Variants in MAP7D2 observed in about 807,000 individuals in gnomAD.
MAP7D2 encodes the protein MAP7 domain-containing protein 2.
MAP7D2 carries 33 observed loss-of-function variants against 63.5 expected under a neutral mutation model. The observed-to-expected ratio is 0.52, with a 90% CI of 0.39 to 0.70. The LOEUF is 0.70. Ranked by LOEUF, MAP7D2 falls within the 30% of genes least tolerant of loss-of-function variation. The probability of loss-of-function intolerance (pLI) is 0.00; values close to 1 mark genes in which losing one functional copy is unlikely to be tolerated. For missense variants in MAP7D2, 626 were observed against 604.0 expected (o/e 1.04, Z -0.38); for synonymous variants, 224 against 223.7 (o/e 1.00, Z -0.01).
rs1430991883 is a variant in MAP7D2 at position 20,076,868 on chromosome X, A to G, written c.131-12063T>C. On this transcript the variant is annotated intron_variant, in intron 1 of 16. Coordinates refer to ENST00000379643, the MANE Select transcript of MAP7D2 (RefSeq NM_001168465.2). ...GTTTCCTTTTAAAACAGCTAACTGA[A>G]TTACATTTTCCAGAAAAATGCAGAC... Among the ~76,000 whole-genome samples the G allele has an allele frequency of 5.3e-5, 6 of 112,682 alleles. No individual in the cohort carries two copies. The Admixed American group carries it at 5.7e-4, about 11-fold the overall frequency.
intron 1 of MAP7D2, among the ~76,000 whole-genome samples, chrX:20,101,095 C>T (rs1053179131): frequency 9.0e-6 from 1 of 111,295 alleles, no homozygotes; most frequent in African/African-American, 3.3e-5. Flanking sequence ...CTTAGCACAT[C>T]CTGAAAGGCT....
chrX:20,085,770 G>A (rs957079793), intron 1 of MAP7D2, among the ~76,000 whole-genome samples: 4 of 112,131 alleles, frequency 3.6e-5, no homozygotes, highest in Non-Finnish European at 7.5e-5. Flanking sequence ...GGAGTGCAGT[G>A]GTGCAATCTT....
At chrX:20,061,535 GCT>G in intron 3 of MAP7D2, among the ~76,000 whole-genome samples, 1 of 112,424 alleles carries the variant, frequency 8.9e-6, no homozygotes, top group Non-Finnish European at 1.9e-5. Flanking sequence ...AGGGAACCAA[GCT>G]CAGCTTGGGC....
chrX:20,025,651 G>C (rs778462796), intron 9 of MAP7D2, 30 bp downstream of exon 9: 7 of 1,206,458 alleles, frequency 5.8e-6, no homozygotes, highest in Non-Finnish European at 6.7e-6. Context: ...AACCGTCTTG[G>C]GAAAGCCAAG....
chrX:20,016,312 C>T lies in MAP7D2; in HGVS notation c.1426G>A (p.Glu476Lys). ...TCCTCCTCTGCCTTTCTTTTCAATT[C>T]CTCTCTCTCCAGCCTTTTGAGAATA... ...KEEQDRLERE[E>K]LKRKAEEERL... is the part of the protein sequence containing the mutation. Residue 476 changes from glutamate to lysine, a missense_variant, in exon 11 of 17, where the codon GAA becomes AAA. By Grantham distance (56) the Glu-to-Lys change is moderately conservative. Transcript: ENST00000379643. The T allele has an allele frequency of 8.3e-7, 1 of 1,209,246 alleles. No homozygotes were observed. The highest frequency in any genetic ancestry group is 1.1e-6 in the Non-Finnish European group (1 of 894,345).
intron 1 of MAP7D2, among the ~76,000 whole-genome samples, chrX:20,087,879 C>CTTTTTTTTTTTTT (rs539620594): frequency 5.7e-5 from 3 of 52,854 alleles, no homozygotes; most frequent in Non-Finnish European, 6.4e-5. Context: ...AATTTCTTTT[C>CTTTTTTTTTTTTT]TTTTTTTTTT....
At position 20,063,493 on chromosome X, in the gene MAP7D2, A is replaced by G; in HGVS notation, c.293T>C (p.Leu98Pro). 8.3e-7 allele frequency: 1 copy of G among 1,211,759 alleles called. No homozygotes were observed. Residue 98 changes from leucine to proline, a missense_variant, in exon 3 of 17, where the codon CTG (leucine) becomes CCG (proline). By Grantham distance (98) the Leu-to-Pro change is moderately conservative. Coordinates refer to ENST00000379643, the MANE Select transcript of MAP7D2 (RefSeq NM_001168465.2). ...GTCCTCCCGCTGCCGCTGCTCTTCC[A>G]GTTTTCGCCATCGCTCCTCCATTTG... ...EKQMEERWRK[L>P]EEQRQREDQK...
intron 1 of MAP7D2, among the ~76,000 whole-genome samples, chrX:20,113,762 A>G (rs1248053488): frequency 2.7e-5 from 3 of 111,233 alleles, no homozygotes; most frequent in Non-Finnish European, 5.7e-5. Context: ...CAGGCATGCA[A>G]TATGAAATAA....
At chrX:20,087,578 A>G (rs2065941342) in intron 1 of MAP7D2, among the ~76,000 whole-genome samples, 1 of 111,861 alleles carries the variant, frequency 8.9e-6, no homozygotes, top group Non-Finnish European at 1.9e-5. Flanking sequence ...AGCAACACAA[A>G]CAGACTAAAA....
intron 10 of MAP7D2, among the ~76,000 whole-genome samples, chrX:20,024,260 T>C (rs2073762293): frequency 1.8e-5 from 2 of 112,378 alleles, no homozygotes; most frequent in Admixed American, 9.4e-5. Context: ...CAAAGTACCC[T>C]GGTACTAACA....
At chrX:20,046,998 A>G (rs1454397977) in intron 6 of MAP7D2, among the ~76,000 whole-genome samples, 1 of 112,631 alleles carries the variant, frequency 8.9e-6, no homozygotes, top group Non-Finnish European at 1.9e-5. Context: ...AGCACCTTGG[A>G]CTCAGACCCA....
intron 15 of MAP7D2, among the ~76,000 whole-genome samples, chrX:20,011,425 A>G (rs1433548450): frequency 8.9e-6 from 1 of 112,735 alleles, no homozygotes; most frequent in Non-Finnish European, 1.9e-5. Context: ...CCAAAAGTTC[A>G]AAGCAAGTTG....
At chrX:20,052,529 T>A (rs995952599) in intron 5 of MAP7D2, 2 of 237,271 alleles carry the variant, frequency 8.4e-6, no homozygotes, top group Non-Finnish European at 1.6e-5. Context: ...TCAACTGTAT[T>A]CCATCATTGA....
chrX:20,035,924 ATATG>A (rs1373352782), intron 8 of MAP7D2, among the ~76,000 whole-genome samples: 4 of 51,560 alleles, frequency 7.8e-5, no homozygotes, highest in South Asian at 1.4e-3. Flanking sequence ...AAAAAAATAT[ATATG>A]TGTGTGTGTG....
chrX:20,063,517 T>C lies in MAP7D2; in HGVS notation c.269A>G (p.Gln90Arg), dbSNP rs2065274166. The C allele has an allele frequency of 4.9e-6, 6 of 1,212,285 alleles. No homozygotes were observed. Among genetic ancestry groups the C allele is most frequent in the Non-Finnish European group, 6.7e-6 (6 of 895,603 alleles). Residue 90 changes from glutamine to arginine, a missense_variant, in exon 3 of 17, where the codon CAA (glutamine) becomes CGA (arginine). Coordinates refer to ENST00000379643, the MANE Select transcript of MAP7D2 (RefSeq NM_001168465.2). ...CAGTTTTCGCCATCGCTCCTCCATT[T>C]GCTTTTCGTACTGCAGCCTGGCTCT... ...QKRARLQYEK[Q>R]MEERWRKLEE...
At chrX:20,043,172 T>G (rs1312712184) in intron 7 of MAP7D2, among the ~76,000 whole-genome samples, 1 of 111,574 alleles carries the variant, frequency 9.0e-6, no homozygotes, top group Admixed American at 9.6e-5. Context: ...CAGCAAGTCC[T>G]CAATTGGCCC....
chrX:20,101,398 G>A (rs1196218534), intron 1 of MAP7D2, among the ~76,000 whole-genome samples: 3 of 112,061 alleles, frequency 2.7e-5, no homozygotes, highest in African/African-American at 6.5e-5. Context: ...AATATCAAGC[G>A]ATAAAAACTA....
intron 10 of MAP7D2, chrX:20,017,190 A>G (rs1477810260): frequency 1.8e-5 from 2 of 114,059 alleles, no homozygotes; most frequent in Admixed American, 1.9e-4. Context: ...AAGTCACTCA[A>G]TGTTCTTGAT....
chrX:20,104,666 T>C (rs1482640745), intron 1 of MAP7D2, among the ~76,000 whole-genome samples: 4 of 112,036 alleles, frequency 3.6e-5, no homozygotes, highest in Non-Finnish European at 7.5e-5. Context: ...CTTAAAAATA[T>C]TGATTATCTA....
Sources: gnomAD v4.1 joint callset for allele counts (sites outside exome capture counted in the v4.1 genomes callset) on GRCh38, gnomAD v4.1.1 for gene constraint, MANE v1.5 for transcripts, NCBI Gene and HGNC (gene_info 2026-07-23, HGNC 2026-07-21) for gene names.